The following DLGAP2 variants were observed in gnomAD, a reference collection of about 807,000 sequenced individuals.
DLGAP2 encodes disks large-associated protein 2.
A neutral mutation model predicts 100.3 loss-of-function variants in DLGAP2; 26 were observed. The ratio of observed to expected loss-of-function variants is 0.26; its 90% confidence interval spans 0.19 to 0.36. The LOEUF (loss-of-function observed/expected upper bound fraction) is 0.36. Among genes scored for constraint, DLGAP2 ranks in the 10% least tolerant of loss-of-function variants. The pLI is 1.00. For missense variants in DLGAP2, 1,858 were observed against 1,453.2 expected, an observed-to-expected ratio of 1.28 and a Z score of -4.53; for synonymous variants, 886 against 630.1, an observed-to-expected ratio of 1.41 and a Z score of -6.08.
At chr8:1,176,775 G>A (rs1797268376) in intron 2 of DLGAP2, among the ~76,000 whole-genome samples, 1 of 152,184 alleles carries the variant, frequency 6.6e-6, no homozygotes, top group Non-Finnish European at 1.5e-5. Flanking sequence ...CTGGGTCCCT[G>A]TGGAAAGAGG....
At chr8:1,360,438 G>T (rs563462729) in intron 3 of DLGAP2, among the ~76,000 whole-genome samples, 1 of 151,400 alleles carries the variant, frequency 6.6e-6, no homozygotes, top group South Asian at 2.1e-4. Flanking sequence ...CAGGTGCCCT[G>T]AGTGTTTTGC....
chr8:940,530 C>T lies in DLGAP2; in HGVS notation c.73+32564C>T, dbSNP rs1489312410. Among the ~76,000 whole-genome samples the T allele has an allele frequency of 2.0e-5, 3 of 152,018 alleles. No individual in the cohort carries two copies. In the East Asian group the frequency reaches 5.8e-4, roughly 29 times the overall value. ...TTGTGAGGAACATGCAGGAGCTGAC[C>T]ACATCCGTGTCCATGACATGCGGTC... is the stretch of plus-strand genomic sequence containing the variant. On this transcript the variant is annotated intron_variant, in intron 2 of 14. Coordinates refer to ENST00000637795, the MANE Select transcript of DLGAP2 (RefSeq NM_001346810.2).
intron 3 of DLGAP2, among the ~76,000 whole-genome samples, chr8:1,342,813 C>T (rs944563259): frequency 2.0e-5 from 3 of 152,190 alleles, no homozygotes; most frequent in Non-Finnish European, 4.4e-5. Flanking sequence ...TGTCATTTCT[C>T]CTGTGATTTA....
At chr8:1,411,806 T>C (rs1391807637) in intron 3 of DLGAP2, among the ~76,000 whole-genome samples, 1 of 152,222 alleles carries the variant, frequency 6.6e-6, no homozygotes, top group Non-Finnish European at 1.5e-5. Context: ...GAAGTCTCTC[T>C]CACTAAGGGT....
At chr8:1,472,188 G>A (rs1463406643) in intron 3 of DLGAP2, among the ~76,000 whole-genome samples, 1 of 152,198 alleles carries the variant, frequency 6.6e-6, no homozygotes, top group East Asian at 1.9e-4. Context: ...TGATGCTGGA[G>A]GAAATCCTTG....
intron 2 of DLGAP2, among the ~76,000 whole-genome samples, chr8:1,177,111 C>A (rs140851072): frequency 6.6e-6 from 1 of 152,170 alleles, no homozygotes; most frequent in African/African-American, 2.4e-5. Context: ...ACCTGTTATA[C>A]GTGGTCTAAA....
intron 3 of DLGAP2, among the ~76,000 whole-genome samples, chr8:1,498,028 G>A (rs1295253652): frequency 6.6e-6 from 1 of 152,206 alleles, no homozygotes; most frequent in Non-Finnish European, 1.5e-5. Flanking sequence ...GTCACTACCT[G>A]TAGATGTACC....
intron 2 of DLGAP2, among the ~76,000 whole-genome samples, chr8:1,130,727 A>AC (rs1239409237): frequency 3.3e-5 from 5 of 152,200 alleles, no homozygotes; most frequent in Non-Finnish European, 5.9e-5. Context: ...CCCAAGACAG[A>AC]CCGCACCAGA....
chr8:1,055,716 T>C (rs914609797), intron 2 of DLGAP2, among the ~76,000 whole-genome samples: 4 of 152,266 alleles, frequency 2.6e-5, no homozygotes, highest in Admixed American at 2.6e-4. Context: ...TCCCCTGCCA[T>C]AATAGCCCGG....
chr8:1,488,815 G>A (rs77015175), intron 3 of DLGAP2, among the ~76,000 whole-genome samples: 1,809 of 152,284 alleles, frequency 0.012, 40 homozygotes, highest in African/African-American at 0.04. Context: ...TGACTATGAT[G>A]TCCAGAGATC....
intron 14 of DLGAP2, among the ~76,000 whole-genome samples, chr8:1,698,959 T>C (rs1391018100): frequency 6.6e-6 from 1 of 152,004 alleles, no homozygotes; most frequent in East Asian, 1.9e-4. Context: ...ATGGGACAGG[T>C]CCATGTAAGC....
intron 5 of DLGAP2, among the ~76,000 whole-genome samples, chr8:1,554,763 C>T (rs950395703): frequency 9.2e-5 from 14 of 151,866 alleles, no homozygotes; most frequent in East Asian, 1.9e-4. Flanking sequence ...AGGACCCACG[C>T]GCCCCAGCCC....
intron 3 of DLGAP2, among the ~76,000 whole-genome samples, chr8:1,374,247 G>C (rs1215024117): frequency 6.6e-6 from 1 of 152,154 alleles, no homozygotes; most frequent in Non-Finnish European, 1.5e-5. Context: ...GTAGAGGGCT[G>C]TGTAATGGAG....
chr8:1,482,162 T>C (rs1159263350), intron 3 of DLGAP2, among the ~76,000 whole-genome samples: 1 of 152,266 alleles, frequency 6.6e-6, no homozygotes, highest in Non-Finnish European at 1.5e-5. Flanking sequence ...CACACAGTTA[T>C]GTCAAATGTG....
At chr8:1,352,506 G>A (rs753283066) in intron 3 of DLGAP2, among the ~76,000 whole-genome samples, 18 of 152,064 alleles carry the variant, frequency 1.2e-4, no homozygotes, top group Non-Finnish European at 1.6e-4. Context: ...CCAGACAGAC[G>A]TCTTAAGTGC....
chr8:1,125,984 C>G (rs931988246), intron 2 of DLGAP2, among the ~76,000 whole-genome samples: 7 of 152,236 alleles, frequency 4.6e-5, no homozygotes, highest in Non-Finnish European at 7.3e-5. Context: ...ACACATTCAT[C>G]TCCATGGACA....
At chr8:1,036,445 A>T (rs573109308) in intron 2 of DLGAP2, among the ~76,000 whole-genome samples, 1 of 152,322 alleles carries the variant, frequency 6.6e-6, no homozygotes, top group Non-Finnish European at 1.5e-5. Context: ...AGGGGACCCT[A>T]CACGGGGTGT....
chr8:1,680,471 A>C (rs763082931), intron 12 of DLGAP2: 7 of 152,240 alleles, frequency 4.6e-5, no homozygotes, highest in Non-Finnish European at 8.8e-5. Context: ...GAAGAAAGAA[A>C]GACATTGCCT....
chr8:820,010 A>G (rs1796554958), intron 1 of DLGAP2, among the ~76,000 whole-genome samples: 2 of 152,238 alleles, frequency 1.3e-5, no homozygotes, highest in Admixed American at 6.5e-5. Context: ...GAAAAAAATG[A>G]ACCATGAGAG....
Sources: allele counts gnomAD v4.1 joint callset (sites outside exome capture counted in the v4.1 genomes callset), GRCh38; gene constraint gnomAD v4.1.1; transcripts MANE v1.5; gene names NCBI Gene and HGNC (gene_info 2026-07-23, HGNC 2026-07-21).